The following ARMC2 variants were observed in gnomAD, a reference collection of about 807,000 sequenced individuals.
ARMC2 encodes the protein armadillo repeat-containing protein 2.
ARMC2 carries 67 observed loss-of-function variants against 90.3 expected under a neutral mutation model. The ratio of observed to expected loss-of-function variants is 0.74; its 90% CI spans 0.61 to 0.91. The LOEUF is 0.91. Among genes scored for constraint, ARMC2 ranks in the 40% least tolerant of loss-of-function variants. The pLI is 0.00. For missense variants in ARMC2, 920 were observed against 1,030.9 expected (o/e 0.89, Z 1.47); for synonymous variants, 393 against 393.0 (o/e 1.00, Z 0.00).
At chr6:108,994,378 T>C in the ARMC2 span, 5 of 1,140,728 alleles carry the variant, frequency 4.4e-6, no homozygotes, top group Non-Finnish European at 6.3e-6. Context: ...ATATTTAGAT[T>C]GATGCTTTAA....
chr6:108,854,339 G>T lies in ARMC2; in HGVS notation c.72G>T (p.Lys24Asn), dbSNP rs1331842450. 3 of 1,612,650 alleles carry T rather than the reference G, an allele frequency of 1.9e-6. No homozygotes were observed. Among genetic ancestry groups the T allele is most frequent in the Admixed American group, 1.7e-5 (1 of 59,896 alleles). The change falls in exon 2 of 18, where the codon AAG becomes AAT. Residue 24 changes from lysine to asparagine, a missense_variant. Physicochemically the swap from Lys to Asn is moderately conservative, Grantham distance 94. Transcript: ENST00000392644. ...ATCAACCTTCAGTGTCCAAGCAGAA[G>T]ACCAGTGCAGAAATCATAAGTGAAG... ...PFYQPSVSKQ[K>N]TSAEIISEAR...
intron 10 of ARMC2, among the ~76,000 whole-genome samples, chr6:108,925,113 T>C (rs1774983598): frequency 6.6e-6 from 1 of 152,212 alleles, no homozygotes; most frequent in Non-Finnish European, 1.5e-5. Context: ...AGGAACAGGA[T>C]GCTTTGTTAA....
chr6:109,027,724 C>T, the ARMC2 span, among the ~76,000 whole-genome samples: 1 of 152,132 alleles, frequency 6.6e-6, no homozygotes, highest in East Asian at 1.9e-4. Flanking sequence ...ATGCACAGGA[C>T]AGCTCCCCGT....
chr6:108,890,079 A>G (rs974738916), intron 5 of ARMC2, among the ~76,000 whole-genome samples: 1 of 147,822 alleles, frequency 6.8e-6, no homozygotes, highest in Non-Finnish European at 1.5e-5. Flanking sequence ...AGTCCCAGCT[A>G]CTTGGGAGGC....
the ARMC2 span, among the ~76,000 whole-genome samples, chr6:109,045,964 A>C: frequency 6.6e-6 from 1 of 152,236 alleles, no homozygotes; most frequent in Non-Finnish European, 1.5e-5. Flanking sequence ...GGCTGAAAAA[A>C]GCGTATTCTG....
intron 5 of ARMC2, chr6:108,880,192 T>A: frequency 2.9e-6 from 1 of 340,676 alleles, no homozygotes; most frequent in South Asian, 2.3e-5. Flanking sequence ...ATAGGCTTGA[T>A]TTTTGTTGGT....
chr6:108,899,848 C>T, intron 7 of ARMC2, 56 bp downstream of exon 7: 1 of 1,345,400 alleles, frequency 7.4e-7, no homozygotes, highest in Non-Finnish European at 1.0e-6. Context: ...TAAAAAATAC[C>T]TGTAGTTATT....
the ARMC2 span, among the ~76,000 whole-genome samples, chr6:109,034,821 G>C: frequency 6.6e-6 from 1 of 152,182 alleles, no homozygotes; most frequent in African/African-American, 2.4e-5. Context: ...GATGCTGTTG[G>C]AACAACAGAG....
the ARMC2 span, among the ~76,000 whole-genome samples, chr6:109,041,324 TA>T: frequency 6.6e-6 from 1 of 151,746 alleles, no homozygotes; most frequent in Non-Finnish European, 1.5e-5. Context: ...AATAATAATT[TA>T]AAAAAATAAA....
At chr6:109,024,602 A>G in the ARMC2 span, among the ~76,000 whole-genome samples, 6 of 152,374 alleles carry the variant, frequency 3.9e-5, no homozygotes, top group African/African-American at 1.4e-4. Flanking sequence ...AGTTGAAAAT[A>G]TCATAAGTAA....
At chr6:108,982,843 C>T in the ARMC2 span, among the ~76,000 whole-genome samples, 4 of 138,994 alleles carry the variant, frequency 2.9e-5, no homozygotes, top group East Asian at 2.1e-4. Flanking sequence ...GATGAAGTCT[C>T]GCTCTGTCAC....
intron 10 of ARMC2, among the ~76,000 whole-genome samples, chr6:108,917,124 A>T (rs1774046464): frequency 6.6e-6 from 1 of 152,134 alleles, no homozygotes; most frequent in Non-Finnish European, 1.5e-5. Context: ...AGCCTGACCC[A>T]GTTGATTTTG....
At chr6:108,849,662 A>G (rs956235368) in intron 1 of ARMC2, among the ~76,000 whole-genome samples, 1 of 152,274 alleles carries the variant, frequency 6.6e-6, no homozygotes, top group Non-Finnish European at 1.5e-5. Context: ...CACTTGGGCA[A>G]TAATTGTTAA....
chr6:108,981,507 T>C, the ARMC2 span, among the ~76,000 whole-genome samples: 1 of 152,190 alleles, frequency 6.6e-6, no homozygotes, highest in Admixed American at 6.5e-5. Flanking sequence ...ACCATCATTC[T>C]ATTAATACTT....
chr6:109,018,143 A>G, the ARMC2 span, among the ~76,000 whole-genome samples: 1 of 152,362 alleles, frequency 6.6e-6, no homozygotes, highest in East Asian at 1.9e-4. Flanking sequence ...TTTTCAAATT[A>G]TATTTCTTAA....
intron 12 of ARMC2, among the ~76,000 whole-genome samples, chr6:108,938,599 C>CTTTTTTTTTTTTTTTT (rs4027582): frequency 2.4e-5 from 2 of 83,100 alleles, no homozygotes; most frequent in African/African-American, 4.5e-5. Flanking sequence ...CCATTACTAC[C>CTTTTTTTTTTTTTTTT]TTTTTTTTTT....
At chr6:108,864,257 T>TC (rs1034452510) in intron 3 of ARMC2, among the ~76,000 whole-genome samples, 4 of 149,778 alleles carry the variant, frequency 2.7e-5, no homozygotes, top group South Asian at 2.1e-4. Flanking sequence ...TCTTTTCTTT[T>TC]TTTTTTTTTT....
chr6:108,892,159 G>A lies in ARMC2; in HGVS notation c.672-2308G>A, dbSNP rs114616267. On this transcript the variant is annotated intron_variant, in intron 5 of 17. Coordinates refer to ENST00000392644, the MANE Select transcript of ARMC2 (RefSeq NM_032131.6). ...GGCAGGTGTATGTATTGAAAGCAAG[G>A]CCTTGTCCCTAGTCTCAAACCTTCT... Among the ~76,000 whole-genome samples, 638 of 152,070 alleles carry A rather than the reference G, an allele frequency of 4.2e-3. 3 individuals carry two copies. The highest frequency in any genetic ancestry group is 0.014 in the African/African-American group (597 of 41,456).
intron 16 of ARMC2, among the ~76,000 whole-genome samples, chr6:108,964,709 G>C (rs1778238209): frequency 6.6e-6 from 1 of 151,792 alleles, no homozygotes; most frequent in Non-Finnish European, 1.5e-5. Context: ...GGGATACAGA[G>C]GTTGCAGTGA....
Sources: gnomAD v4.1 joint callset for allele counts (sites outside exome capture counted in the v4.1 genomes callset) on GRCh38, gnomAD v4.1.1 for gene constraint, MANE v1.5 for transcripts, NCBI Gene and HGNC (gene_info 2026-07-23, HGNC 2026-07-21) for gene names.